The following DCC variants were observed in gnomAD, a reference collection of about 807,000 sequenced individuals.
DCC encodes DCC netrin 1 receptor.
DCC carries 58 observed loss-of-function variants against 172.5 expected under a neutral mutation model. That is an observed-to-expected ratio of 0.34 (90% CI 0.27 to 0.42). DCC has a LOEUF of 0.42. DCC is among the 10% of genes least tolerant of loss of function. The pLI is 1.00. For missense variants in DCC, 1,740 were observed against 1,791.0 expected, an observed-to-expected ratio of 0.97 and a Z score of 0.51; for synonymous variants, 709 against 644.5, an observed-to-expected ratio of 1.10 and a Z score of -1.52.
chr18:53,024,986 ATAAG>A (rs1293590900), intron 5 of DCC, among the ~76,000 whole-genome samples: 4 of 152,174 alleles, frequency 2.6e-5, no homozygotes, highest in Admixed American at 1.3e-4. Flanking sequence ...TTTTATTTAC[ATAAG>A]TAATACAGGA....
At chr18:52,716,302 C>G (rs1012237234) in intron 1 of DCC, among the ~76,000 whole-genome samples, 3 of 152,204 alleles carry the variant, frequency 2.0e-5, no homozygotes, top group African/African-American at 7.2e-5. Context: ...AGGATTGTTC[C>G]CTGATAGCAG....
At chr18:53,288,695 T>C (rs984874993) in intron 12 of DCC, among the ~76,000 whole-genome samples, 10 of 152,144 alleles carry the variant, frequency 6.6e-5, no homozygotes, top group Non-Finnish European at 1.3e-4. Context: ...AAATACTGAT[T>C]GAAGTGTTGA....
At chr18:53,265,976 G>A (rs1469974339) in intron 12 of DCC, among the ~76,000 whole-genome samples, 2 of 151,978 alleles carry the variant, frequency 1.3e-5, no homozygotes, top group Non-Finnish European at 1.5e-5. Context: ...ATTCTCTCTT[G>A]AGCTCTACTT....
chr18:53,242,402 C>G (rs1488068644), intron 12 of DCC, among the ~76,000 whole-genome samples: 1 of 152,144 alleles, frequency 6.6e-6, no homozygotes, highest in African/African-American at 2.4e-5. Flanking sequence ...ACACCTAACA[C>G]ATTATCTGAA....
intron 9 of DCC, among the ~76,000 whole-genome samples, chr18:53,202,864 A>C (rs747206094): frequency 1.3e-5 from 2 of 152,186 alleles, no homozygotes; most frequent in Non-Finnish European, 2.9e-5. Context: ...CATTTTATTT[A>C]TAAAAAGGGG....
intron 15 of DCC, among the ~76,000 whole-genome samples, chr18:53,349,749 T>G (rs1194498027): frequency 1.3e-5 from 2 of 152,184 alleles, no homozygotes; most frequent in African/African-American, 4.8e-5. Flanking sequence ...CTCATGAGAC[T>G]CATTCACTAT....
At chr18:52,830,194 G>A (rs867782375) in intron 2 of DCC, among the ~76,000 whole-genome samples, 1 of 152,198 alleles carries the variant, frequency 6.6e-6, no homozygotes, top group Non-Finnish European at 1.5e-5. Flanking sequence ...TGTCCAACTC[G>A]CGGCCCCATG....
At chr18:52,771,651 G>A (rs952545437) in intron 2 of DCC, among the ~76,000 whole-genome samples, 11 of 152,094 alleles carry the variant, frequency 7.2e-5, no homozygotes, top group African/African-American at 2.7e-4. Flanking sequence ...TCTATGTGAG[G>A]GAGGTGGGAA....
chr18:52,840,470 T>A (rs10502951), intron 2 of DCC, among the ~76,000 whole-genome samples: 3 of 151,930 alleles, frequency 2.0e-5, no homozygotes, highest in African/African-American at 7.3e-5. Context: ...ACACCAATAT[T>A]TGTAGAACCA....
intron 2 of DCC, among the ~76,000 whole-genome samples, chr18:52,899,404 A>G (rs1444252522): frequency 2.4e-5 from 3 of 123,094 alleles, no homozygotes; most frequent in African/African-American, 6.4e-5. Flanking sequence ...CCCAGGCTGG[A>G]GTGCAATGGC....
intron 23 of DCC, among the ~76,000 whole-genome samples, chr18:53,454,994 C>A (rs887265810): frequency 1.3e-5 from 2 of 152,132 alleles, no homozygotes; most frequent in African/African-American, 2.4e-5. Flanking sequence ...ATTCCACTAA[C>A]TGCTATTAAT....
intron 1 of DCC, among the ~76,000 whole-genome samples, chr18:52,701,590 G>A (rs1051121775): frequency 1.3e-5 from 2 of 152,194 alleles, no homozygotes; most frequent in South Asian, 2.1e-4. Context: ...ATATTTCTGA[G>A]GCTTATGTCT....
At chr18:53,198,279 C>T (rs1247891293) in intron 9 of DCC, among the ~76,000 whole-genome samples, 1 of 152,040 alleles carries the variant, frequency 6.6e-6, no homozygotes, top group Non-Finnish European at 1.5e-5. Flanking sequence ...AAAAAATATA[C>T]ATATTACAAC....
intron 1 of DCC, among the ~76,000 whole-genome samples, chr18:52,432,943 A>C (rs1987673763): frequency 6.6e-6 from 1 of 152,160 alleles, no homozygotes. Flanking sequence ...TTCCCTCTGC[A>C]CTCTAACATC....
intron 7 of DCC, among the ~76,000 whole-genome samples, chr18:53,102,572 C>T (rs891138952): frequency 7.2e-5 from 11 of 152,012 alleles, no homozygotes; most frequent in African/African-American, 2.7e-4. Context: ...GCATTGCTCC[C>T]TCAGACAGTC....
chr18:53,429,445 A>G (rs951763284), intron 21 of DCC, among the ~76,000 whole-genome samples: 2 of 151,634 alleles, frequency 1.3e-5, no homozygotes, highest in African/African-American at 4.8e-5. Flanking sequence ...ACTCAATTTC[A>G]TTTTATTCGT....
At chr18:52,717,455 A>G (rs2036402245) in intron 1 of DCC, among the ~76,000 whole-genome samples, 1 of 149,616 alleles carries the variant, frequency 6.7e-6, no homozygotes, top group South Asian at 2.1e-4. Flanking sequence ...TTTTCCAAAA[A>G]AAGGAAGCTC....
chr18:53,171,560 G>A (rs2055013932), intron 8 of DCC, among the ~76,000 whole-genome samples: 1 of 151,980 alleles, frequency 6.6e-6, no homozygotes, highest in Non-Finnish European at 1.5e-5. Context: ...ATAATTTTTG[G>A]AGGCTAATGA....
chr18:52,725,179 A>G (rs1445423798), intron 1 of DCC, among the ~76,000 whole-genome samples: 1 of 152,086 alleles, frequency 6.6e-6, no homozygotes, highest in Admixed American at 6.6e-5. Flanking sequence ...TTCAGGAGGG[A>G]AGGAATGCTA....
Sources: gnomAD v4.1 joint callset for allele counts (sites outside exome capture counted in the v4.1 genomes callset) on GRCh38, gnomAD v4.1.1 for gene constraint, MANE v1.5 for transcripts, NCBI Gene and HGNC (gene_info 2026-07-23, HGNC 2026-07-21) for gene names.